RUNDC3B: variants seen among roughly 807,000 people sequenced by gnomAD.
RUNDC3B encodes RUN domain-containing protein 3B.
Under a neutral mutation model 58.4 loss-of-function variants are expected in RUNDC3B, and 33 were observed. That is an observed-to-expected ratio of 0.56 (90% CI 0.43 to 0.75). RUNDC3B has a LOEUF of 0.75. RUNDC3B is among the 30% of genes least tolerant of loss of function. The pLI is 0.00. For synonymous variants in RUNDC3B, 193 were observed against 195.2 expected (o/e 0.99, Z 0.10); for missense variants, 501 against 535.7 (o/e 0.94, Z 0.64).
chr7:87,694,100 GT>G (rs36014243), intron 2 of RUNDC3B: 102,664 of 1,112,534 alleles, frequency 0.092, 3,309 homozygotes, highest in African/African-American at 0.35. Context: ...GTGTGTTTTT[GT>G]TTTTTTTTTT....
intron 2 of RUNDC3B, among the ~76,000 whole-genome samples, chr7:87,692,084 C>T (rs1828066328): frequency 6.6e-6 from 1 of 152,036 alleles, no homozygotes; most frequent in Admixed American, 6.6e-5. Context: ...AAAATTTTCC[C>T]ATGGTCTTTC....
At chr7:87,729,692 G>T (rs1242816154) in intron 4 of RUNDC3B, among the ~76,000 whole-genome samples, 2 of 152,152 alleles carry the variant, frequency 1.3e-5, no homozygotes, top group Non-Finnish European at 2.9e-5. Flanking sequence ...GATGTGCTGG[G>T]CTTGAAGTTA....
At chr7:87,677,348 A>C (rs1175200638) in intron 2 of RUNDC3B, among the ~76,000 whole-genome samples, 1 of 151,864 alleles carries the variant, frequency 6.6e-6, no homozygotes, top group African/African-American at 2.4e-5. Context: ...AAAAAAAAAA[A>C]AAGGAAATCC....
intron 7 of RUNDC3B, among the ~76,000 whole-genome samples, chr7:87,771,533 A>T (rs1206500953): frequency 6.6e-6 from 1 of 152,332 alleles, no homozygotes; most frequent in East Asian, 1.9e-4. Context: ...ACATTGCAAA[A>T]ATATGAAAAT....
chr7:87,636,676 T>G (rs1008042202), intron 1 of RUNDC3B, among the ~76,000 whole-genome samples: 2 of 152,250 alleles, frequency 1.3e-5, no homozygotes, highest in African/African-American at 4.8e-5. Context: ...CTTTATTGTT[T>G]TATTTTTACA....
At chr7:87,809,233 A>G (rs1584257820) in intron 9 of RUNDC3B, among the ~76,000 whole-genome samples, 1 of 152,286 alleles carries the variant, frequency 6.6e-6, no homozygotes, top group East Asian at 1.9e-4. Context: ...TTCTTGACTC[A>G]GTTATTCCAC....
At chr7:87,773,787 C>T (rs1193623414) in intron 7 of RUNDC3B, among the ~76,000 whole-genome samples, 1 of 152,046 alleles carries the variant, frequency 6.6e-6, no homozygotes, top group African/African-American at 2.4e-5. Context: ...AAGTGATTCT[C>T]CTGCCTCAGC....
chr7:87,702,311 C>T (rs1829161605), intron 3 of RUNDC3B, among the ~76,000 whole-genome samples: 1 of 151,466 alleles, frequency 6.6e-6, no homozygotes, highest in African/African-American at 2.4e-5. Context: ...CAGGGTCTTG[C>T]TCTGTTGCCC....
intron 8 of RUNDC3B, among the ~76,000 whole-genome samples, chr7:87,794,371 G>A (rs1835695090): frequency 6.6e-6 from 1 of 152,096 alleles, no homozygotes; most frequent in Non-Finnish European, 1.5e-5. Flanking sequence ...GGAGGCGGAG[G>A]TTTCAGTGAG....
chr7:87,781,808 C>T (rs891104926), intron 8 of RUNDC3B, among the ~76,000 whole-genome samples: 1 of 152,014 alleles, frequency 6.6e-6, no homozygotes, highest in Admixed American at 6.6e-5. Context: ...TTATTTTGAG[C>T]CATCCTTGCA....
chr7:87,715,912 C>G (rs1201482422), intron 4 of RUNDC3B, among the ~76,000 whole-genome samples: 1 of 151,888 alleles, frequency 6.6e-6, no homozygotes, highest in East Asian at 1.9e-4. Context: ...GAAGGAAAGT[C>G]ACTGACAAGG....
chr7:87,676,772 C>T (rs1042592810), intron 2 of RUNDC3B, among the ~76,000 whole-genome samples: 1 of 151,018 alleles, frequency 6.6e-6, no homozygotes, highest in African/African-American at 2.4e-5. Flanking sequence ...ATCACAACTC[C>T]TTGCCTTATC....
intron 2 of RUNDC3B, among the ~76,000 whole-genome samples, chr7:87,673,788 C>G (rs564940540): frequency 1.3e-4 from 20 of 152,310 alleles, no homozygotes; most frequent in African/African-American, 4.8e-4. Context: ...GACACTCTGG[C>G]TGTTTGAGTT....
intron 1 of RUNDC3B, among the ~76,000 whole-genome samples, chr7:87,632,312 T>C (rs1248130914): frequency 6.6e-6 from 1 of 152,208 alleles, no homozygotes; most frequent in Admixed American, 6.5e-5. Flanking sequence ...AAGTGGGTTG[T>C]TTAGATAGGT....
chr7:87,709,359 G>A, intron 3 of RUNDC3B: 5 of 985,354 alleles, frequency 5.1e-6, no homozygotes, highest in Non-Finnish European at 6.0e-6. Flanking sequence ...GAAATTTCAA[G>A]AGAGAATTTT....
intron 2 of RUNDC3B, among the ~76,000 whole-genome samples, chr7:87,658,242 A>C (rs894813368): frequency 2.0e-5 from 3 of 152,214 alleles, no homozygotes; most frequent in African/African-American, 7.2e-5. Context: ...TGCTGAAAAA[A>C]TATGAAACTG....
At position 87,650,861 on chromosome 7, in the gene RUNDC3B, G is replaced by C. The variant is rs762007400; in HGVS notation, c.162G>C (p.Glu54Asp). ...CCCTGATTGATCGGTCTTGCTTTGA[G>C]ACAATTGATGATTCTTCTCCTGAAT... ...VKTLIDRSCFETIDDSSPEFN... is the reference protein window; with the variant it reads ...VKTLIDRSCFDTIDDSSPEFN... The change falls in exon 2 of 11, where the codon GAG becomes GAC. Residue 54 changes from glutamate (E) to aspartate (D), a missense_variant. Physicochemically the swap from Glu to Asp is conservative, Grantham distance 45 (BLOSUM62 2). Transcript: ENST00000394654. 3 of 1,612,790 alleles carry C rather than the reference G, an allele frequency of 1.9e-6. No individual in the cohort carries two copies. The highest frequency in any genetic ancestry group is 1.3e-5 in the African/African-American group (1 of 74,922).
At chr7:87,650,048 C>G (rs1823423584) in intron 1 of RUNDC3B, among the ~76,000 whole-genome samples, 1 of 152,192 alleles carries the variant, frequency 6.6e-6, no homozygotes, top group African/African-American at 2.4e-5. Context: ...TGAAAACAGA[C>G]TAATACAGAC....
At chr7:87,785,991 T>C (rs1409323407) in intron 8 of RUNDC3B, among the ~76,000 whole-genome samples, 1 of 152,218 alleles carries the variant, frequency 6.6e-6, no homozygotes, top group Non-Finnish European at 1.5e-5. Context: ...GTCCTTGTGC[T>C]AAGAGATTCT....
Sources: gnomAD v4.1 joint callset for allele counts (sites outside exome capture counted in the v4.1 genomes callset) on GRCh38, gnomAD v4.1.1 for gene constraint, MANE v1.5 for transcripts, NCBI Gene and HGNC (gene_info 2026-07-23, HGNC 2026-07-21) for gene names.